Variants in CHST9 observed in about 807,000 individuals in gnomAD.
CHST9 encodes GalNAc-4-sulfotransferase 2.
In CHST9, 41 loss-of-function variants were observed where a neutral mutation model predicts 44.4. The ratio of observed to expected loss-of-function variants is 0.92; its 90% CI spans 0.72 to 1.20. The LOEUF is 1.20. Ranked by LOEUF, CHST9 falls within the 50% of genes most tolerant of loss-of-function variation. The pLI is 0.00. For synonymous variants in CHST9, 171 were observed against 178.4 expected, an observed-to-expected ratio of 0.96 and a Z score of 0.33; for missense variants, 504 against 516.5, an observed-to-expected ratio of 0.98 and a Z score of 0.23.
chr18:27,127,688 G>T (rs1261011690), intron 2 of CHST9, among the ~76,000 whole-genome samples: 4 of 152,176 alleles, frequency 2.6e-5, no homozygotes, highest in African/African-American at 9.7e-5. Context: ...TATAATTACA[G>T]AAACGACAAA....
At chr18:27,038,004 C>T (rs1322971823) in intron 3 of CHST9, among the ~76,000 whole-genome samples, 2 of 151,992 alleles carry the variant, frequency 1.3e-5, no homozygotes, top group Admixed American at 6.6e-5. Context: ...AAGAATAGGA[C>T]ATTACTGGTA....
chr18:27,175,493 G>A (rs1417733211), intron 1 of CHST9, among the ~76,000 whole-genome samples: 3 of 152,066 alleles, frequency 2.0e-5, no homozygotes, highest in Admixed American at 6.6e-5. Flanking sequence ...CTAAATAAAT[G>A]TAGCAACACC....
intron 4 of CHST9, among the ~76,000 whole-genome samples, chr18:26,989,806 T>G (rs1028583697): frequency 6.6e-6 from 1 of 151,924 alleles, no homozygotes; most frequent in Non-Finnish European, 1.5e-5. Context: ...AATAATTATT[T>G]AGGCATGGTG....
chr18:27,036,035 A>T (rs892636143), intron 3 of CHST9, among the ~76,000 whole-genome samples: 21 of 152,206 alleles, frequency 1.4e-4, no homozygotes, highest in Non-Finnish European at 2.6e-4. Context: ...GAATTTGGAA[A>T]AAAATAAAAA....
At chr18:26,918,731 C>T (rs1393043076) in intron 5 of CHST9, among the ~76,000 whole-genome samples, 1 of 152,066 alleles carries the variant, frequency 6.6e-6, no homozygotes, top group Admixed American at 6.5e-5. Context: ...TTCATGGAGC[C>T]ACCTCCAGAC....
intron 2 of CHST9, among the ~76,000 whole-genome samples, chr18:27,058,740 T>C (rs2057687138): frequency 6.6e-6 from 1 of 152,116 alleles, no homozygotes; most frequent in South Asian, 2.1e-4. Flanking sequence ...AGAAGGAGAT[T>C]TTCCAGCTCT....
rs556344910 is a variant in CHST9 at position 27,065,297 on chromosome 18, A to G, written c.122-16794T>C. On this transcript the variant is annotated intron_variant, in intron 2 of 5. Transcript: ENST00000618847. Reference sequence around the variant, plus strand: ...AGACCTCATTTTTTTAAAATTCTGGAATCTTTTATAACCACTGTGTGCAAA... The same window carrying G: ...AGACCTCATTTTTTTAAAATTCTGGGATCTTTTATAACCACTGTGTGCAAA... 2.6e-5 allele frequency among the ~76,000 whole-genome samples: 4 copies of G among 152,324 alleles called. No homozygotes were observed. In the East Asian group the frequency reaches 7.7e-4, roughly 29 times the overall value.
At chr18:27,030,711 G>A (rs183025977) in intron 3 of CHST9, among the ~76,000 whole-genome samples, 3 of 152,270 alleles carry the variant, frequency 2.0e-5, no homozygotes, top group Admixed American at 1.3e-4. Flanking sequence ...AATCATATTC[G>A]GGGAGTGTCT....
At chr18:27,075,565 C>A (rs938817453) in intron 2 of CHST9, among the ~76,000 whole-genome samples, 4 of 152,178 alleles carry the variant, frequency 2.6e-5, no homozygotes, top group Non-Finnish European at 4.4e-5. Context: ...TTCATGTGAA[C>A]ACAGTTTATT....
chr18:27,003,766 G>GT (rs1203347104), intron 4 of CHST9, among the ~76,000 whole-genome samples: 2 of 151,982 alleles, frequency 1.3e-5, no homozygotes, highest in South Asian at 2.1e-4. Flanking sequence ...GCTTTTGGGA[G>GT]TTTTTTTGCT....
At chr18:27,040,376 A>G (rs1218098330) in intron 3 of CHST9, among the ~76,000 whole-genome samples, 1 of 152,190 alleles carries the variant, frequency 6.6e-6, no homozygotes, top group African/African-American at 2.4e-5. Context: ...TAATGTAGTA[A>G]TTCATGGTCA....
At chr18:27,017,339 C>T (rs866097623) in intron 4 of CHST9, among the ~76,000 whole-genome samples, 3 of 152,212 alleles carry the variant, frequency 2.0e-5, no homozygotes, top group Middle Eastern at 6.8e-3. Flanking sequence ...TCATAATAGC[C>T]TCAAACTAGA....
chr18:27,045,955 C>A (rs897129200), intron 3 of CHST9, among the ~76,000 whole-genome samples: 1 of 152,024 alleles, frequency 6.6e-6, no homozygotes, highest in Non-Finnish European at 1.5e-5. Flanking sequence ...ATCTTTGGAA[C>A]ATGATTCACT....
Position 26,907,255 on chromosome 18 carries a change from T to C in CHST9, c.*9004A>G, listed in dbSNP as rs949434815. 2.0e-5 allele frequency: 3 copies of C among 152,636 alleles called. No individual in the cohort carries two copies. Among genetic ancestry groups the C allele is most frequent in the Admixed American group, 6.5e-5 (1 of 15,268 alleles). 9.5% of individuals were successfully genotyped at this position (152,636 alleles called of 1,614,324 possible). On this transcript the variant is annotated 3_prime_UTR_variant, in exon 6 of 6. Coordinates refer to ENST00000618847, the MANE Select transcript of CHST9 (RefSeq NM_031422.6). ...AATTCTGTGGCTGTGAGGAGTCAGCTTAGGGAGAAATCGGGGTTGACTTCT... is the reference window on the plus strand; with the variant it reads ...AATTCTGTGGCTGTGAGGAGTCAGCCTAGGGAGAAATCGGGGTTGACTTCT...
intron 5 of CHST9, among the ~76,000 whole-genome samples, chr18:26,919,538 T>C (rs978118197): frequency 6.6e-6 from 1 of 152,208 alleles, no homozygotes; most frequent in Non-Finnish European, 1.5e-5. Context: ...ACTACTATTA[T>C]TGTTGTTTTA....
chr18:27,179,708 C>T (rs924745849), intron 1 of CHST9, among the ~76,000 whole-genome samples: 5 of 152,028 alleles, frequency 3.3e-5, no homozygotes, highest in Admixed American at 2.6e-4. Context: ...TACATAATTA[C>T]AATTAAGAAT....
intron 2 of CHST9, among the ~76,000 whole-genome samples, chr18:27,111,826 G>A (rs1598732632): frequency 6.6e-6 from 1 of 152,104 alleles, no homozygotes; most frequent in Non-Finnish European, 1.5e-5. Context: ...AGCACAAAAA[G>A]GTGAGAAAGG....
At chr18:26,971,792 C>T (rs181136391) in intron 4 of CHST9, among the ~76,000 whole-genome samples, 23 of 152,158 alleles carry the variant, frequency 1.5e-4, no homozygotes, top group Admixed American at 1.0e-3. Flanking sequence ...CTCCACTAGA[C>T]CTGGAAGGAC....
At chr18:27,053,262 G>GAAGAAGAGGA (rs772678534) in intron 2 of CHST9, among the ~76,000 whole-genome samples, 1 of 45,764 alleles carries the variant, frequency 2.2e-5, no homozygotes, top group African/African-American at 7.3e-5. Context: ...GAAGAAGAAG[G>GAAGAAGAGGA]AGAAGGAGAA....
Sources: allele counts gnomAD v4.1 joint callset (sites outside exome capture counted in the v4.1 genomes callset), GRCh38; gene constraint gnomAD v4.1.1; transcripts MANE v1.5; gene names NCBI Gene and HGNC (gene_info 2026-07-23, HGNC 2026-07-21).